The following EXT2 variants were observed in gnomAD, a reference collection of about 807,000 sequenced individuals.
EXT2 encodes the protein exostosin-2.
In EXT2, 53 loss-of-function variants were observed where a neutral mutation model predicts 81.6. The ratio of observed to expected loss-of-function variants is 0.65; its 90% CI spans 0.52 to 0.82. The LOEUF (loss-of-function observed/expected upper bound fraction) is 0.82, where lower values mean the gene tolerates loss of function less well. EXT2 is among the 40% of genes least tolerant of loss of function. EXT2 has a pLI of 0.00. For missense variants in EXT2, 774 were observed against 910.2 expected (o/e 0.85, Z 1.93); for synonymous variants, 320 against 340.0 (o/e 0.94, Z 0.65).
intron 7 of EXT2, among the ~76,000 whole-genome samples, chr11:44,138,403 G>A (rs547177231): frequency 6.6e-6 from 1 of 152,158 alleles, no homozygotes; most frequent in South Asian, 2.1e-4. Context: ...GAATTGTTAG[G>A]CCTAGTCTGC....
intron 7 of EXT2, 61 bp downstream of exon 7, chr11:44,130,199 A>T: frequency 1.5e-6 from 2 of 1,327,228 alleles, no homozygotes; most frequent in Admixed American, 1.7e-5. Context: ...CCTTGACTGG[A>T]TACAGAGGGA....
At chr11:44,121,124 G>C (rs543051993) in intron 4 of EXT2, among the ~76,000 whole-genome samples, 2 of 152,330 alleles carry the variant, frequency 1.3e-5, no homozygotes, top group African/African-American at 4.8e-5. Flanking sequence ...GGCGCACGTG[G>C]AATGTTCAAG....
chr11:44,171,674 A>T lies in EXT2; in HGVS notation c.1237A>T (p.Ile413Phe). 6.2e-7 allele frequency: 1 copy of T among 1,614,140 alleles called. No individual in the cohort carries two copies. The highest frequency in any genetic ancestry group is 8.5e-7 in the Non-Finnish European group (1 of 1,179,994). Reference protein sequence around the residue: ...IKAIALATLQIINDRIYPYAA... With the variant: ...IKAIALATLQFINDRIYPYAA... The stretch of plus-strand genomic sequence containing the variant: ...AGCCATTGCCCTGGCCACCCTGCAG[A>T]TTATCAATGACCGGATCTATCCATA... The change falls in exon 8 of 14, where the codon ATT (isoleucine) becomes TTT (phenylalanine). Residue 413 changes from isoleucine (I) to phenylalanine (F), a missense_variant. Physicochemically the swap from Ile to Phe is conservative, Grantham distance 21. Coordinates refer to ENST00000533608, the MANE Select transcript of EXT2 (RefSeq NM_207122.2).
intron 7 of EXT2, among the ~76,000 whole-genome samples, chr11:44,140,126 T>TTGTGCTTTCACGC (rs1954625915): frequency 6.6e-6 from 1 of 152,198 alleles, no homozygotes; most frequent in Non-Finnish European, 1.5e-5. Flanking sequence ...CACTGGCAGT[T>TTGTGCTTTCACGC]TGTGCTTTCA....
At chr11:44,184,459 A>G (rs950700201) in intron 8 of EXT2, among the ~76,000 whole-genome samples, 10 of 152,194 alleles carry the variant, frequency 6.6e-5, no homozygotes, top group Middle Eastern at 6.8e-3. Flanking sequence ...TCTTTATATA[A>G]TTACATTGAG....
intron 1 of EXT2, among the ~76,000 whole-genome samples, chr11:44,102,797 G>A (rs1195072580): frequency 3.9e-5 from 6 of 152,018 alleles, no homozygotes; most frequent in Non-Finnish European, 4.4e-5. Context: ...GACCATTAAG[G>A]AGACTAAACA....
chr11:44,107,944 C>T lies in EXT2; in HGVS notation c.232C>T (p.Pro78Ser). 1.9e-6 allele frequency: 3 copies of T among 1,614,222 alleles called. No individual in the cohort carries two copies. The African/African-American group carries it at 4.0e-5, about 22-fold the overall frequency. ...VVRLPADSPI[P>S]ERGDLSCRMH... is the part of the protein sequence containing the mutation. ...TAGGCTGCCAGCCGACAGTCCCATCCCAGAGCGGGGGGATCTCAGTTGCAG... is the reference window on the plus strand; with the variant it reads ...TAGGCTGCCAGCCGACAGTCCCATCTCAGAGCGGGGGGATCTCAGTTGCAG... The change falls in exon 2 of 14, where the codon CCA becomes TCA. Residue 78 changes from proline (P) to serine (S), a missense_variant. By Grantham distance (74) the Pro-to-Ser change is moderately conservative. Transcript: ENST00000533608.
At chr11:44,214,272 G>A (rs1222183620) in intron 10 of EXT2, among the ~76,000 whole-genome samples, 2 of 151,888 alleles carry the variant, frequency 1.3e-5, no homozygotes, top group Admixed American at 6.6e-5. Context: ...CCACCACCAC[G>A]CCCGGCTAAT....
chr11:44,104,761 T>C (rs1954031506), intron 1 of EXT2: 1 of 152,162 alleles, frequency 6.6e-6, no homozygotes, highest in Non-Finnish European at 1.5e-5. Flanking sequence ...ATATGCAGAA[T>C]GGCAAGGAAG....
intron 8 of EXT2, among the ~76,000 whole-genome samples, chr11:44,176,134 C>T (rs1051009064): frequency 2.0e-5 from 3 of 152,196 alleles, no homozygotes; most frequent in African/African-American, 7.2e-5. Flanking sequence ...ATCTGTTCCT[C>T]TGCAGGAGAA....
chr11:44,232,380 G>T lies in EXT2; in HGVS notation c.1690G>T (p.Val564Leu). Residue 564 changes from valine to leucine, a missense_variant, in exon 11 of 14, where the codon GTG (valine) becomes TTG (leucine). This residue lies in a region of EXT2 where 148 missense variants were observed against 239.7 expected (regional missense o/e 0.62). Coordinates refer to ENST00000533608, the MANE Select transcript of EXT2 (RefSeq NM_207122.2). The stretch of plus-strand genomic sequence containing the variant: ...CTGGCGGGAATTTCCTGACCGGTTG[G>T]TGGGTTACCCGGGTCGTCTGCATCT... ...EVWREFPDRL[V>L]GYPGRLHLWD... 1 of 1,613,988 alleles carries T rather than the reference G, an allele frequency of 6.2e-7. No individual in the cohort carries two copies. The highest frequency in any genetic ancestry group is 8.5e-7 in the Non-Finnish European group (1 of 1,179,946).
chr11:44,107,744 G>T lies in EXT2; in HGVS notation c.32G>T (p.Gly11Val). 6.2e-7 allele frequency: 1 copy of T among 1,614,142 alleles called. No individual in the cohort carries two copies. Among genetic ancestry groups the T allele is most frequent in the South Asian group, 1.1e-5 (1 of 91,064 alleles). MCASVKYNIR[G>V]PALIPRMKTK... is the part of the protein sequence containing the mutation. The stretch of plus-strand genomic sequence containing the variant: ...GCGTCGGTCAAGTATAATATCCGGG[G>T]TCCTGCCCTCATCCCAAGAATGAAG... Residue 11 changes from glycine (G) to valine (V), a missense_variant, in exon 2 of 14, where the codon GGT (glycine) becomes GTT (valine). Coordinates refer to ENST00000533608, the MANE Select transcript of EXT2 (RefSeq NM_207122.2).
chr11:44,149,368 A>T (rs1029876930), intron 7 of EXT2, among the ~76,000 whole-genome samples: 2 of 152,178 alleles, frequency 1.3e-5, no homozygotes, highest in Non-Finnish European at 2.9e-5. Context: ...TCTTAAAAAC[A>T]GTTGGAGTTT....
chr11:44,197,767 T>A (rs192597355), intron 8 of EXT2, 62 bp from the exon 9 acceptor site: 1 of 1,566,856 alleles, frequency 6.4e-7, no homozygotes. Flanking sequence ...TTGCTGACGA[T>A]ATTGGGTCAG....
chr11:44,224,862 A>G (rs944171565), intron 10 of EXT2, among the ~76,000 whole-genome samples: 1 of 152,194 alleles, frequency 6.6e-6, no homozygotes. Flanking sequence ...GTTGAGCCTC[A>G]CCAAAATCAA....
chr11:44,172,583 CTTT>C (rs35070892), intron 8 of EXT2, among the ~76,000 whole-genome samples: 13 of 107,362 alleles, frequency 1.2e-4, no homozygotes, highest in Admixed American at 3.9e-4. Context: ...TCTACCTTTT[CTTT>C]TTTTTTTTTT....
At chr11:44,096,262 G>C (rs1023753999) in intron 1 of EXT2, 1 of 1,535,852 alleles carries the variant, frequency 6.5e-7, no homozygotes. Context: ...GATGTCCTGC[G>C]CCTCAGGGTC....
At chr11:44,111,809 T>TG (rs1954147649) in intron 3 of EXT2, among the ~76,000 whole-genome samples, 1 of 152,188 alleles carries the variant, frequency 6.6e-6, no homozygotes, top group Admixed American at 6.5e-5. Flanking sequence ...AGACATCAGA[T>TG]CCTTGCATCT....
intron 7 of EXT2, among the ~76,000 whole-genome samples, chr11:44,149,255 G>A (rs770565338): frequency 1.3e-5 from 2 of 152,112 alleles, no homozygotes; most frequent in African/African-American, 4.8e-5. Flanking sequence ...TCAGCTACTC[G>A]AGAGGCTGAG....
Sources: gnomAD v4.1 joint callset for allele counts (sites outside exome capture counted in the v4.1 genomes callset) on GRCh38, gnomAD v4.1.1 for gene constraint, gnomAD v4.1.1 regional missense constraint, MANE v1.5 for transcripts, NCBI Gene and HGNC (gene_info 2026-07-23, HGNC 2026-07-21) for gene names.